Variants in TAFA2 observed in about 807,000 individuals in gnomAD.
TAFA2 encodes chemokine-like protein TAFA-2.
TAFA2 carries 7 observed loss-of-function variants against 18.8 expected under a neutral mutation model. That is an observed-to-expected ratio of 0.37 (90% CI 0.21 to 0.70). The LOEUF is 0.70. Ranked by LOEUF, TAFA2 falls within the 30% of genes least tolerant of loss-of-function variation. TAFA2 has a pLI of 0.53. For synonymous variants in TAFA2, 60 were observed against 54.2 expected (o/e 1.11, Z -0.47); for missense variants, 122 against 158.1 (o/e 0.77, Z 1.23).
chr12:62,177,295 A>G (rs1482855372), intron 1 of TAFA2, among the ~76,000 whole-genome samples: 1 of 152,244 alleles, frequency 6.6e-6, no homozygotes, highest in Non-Finnish European at 1.5e-5. Flanking sequence ...TCTTCCTGCC[A>G]CCACCAACTT....
intron 1 of TAFA2, among the ~76,000 whole-genome samples, chr12:61,980,121 A>G (rs950344988): frequency 6.6e-6 from 1 of 152,130 alleles, no homozygotes; most frequent in African/African-American, 2.4e-5. Flanking sequence ...ATAGAAATGT[A>G]TCCCTGGCCA....
intron 1 of TAFA2, among the ~76,000 whole-genome samples, chr12:62,222,064 A>G (rs2062765314): frequency 6.6e-6 from 1 of 152,200 alleles, no homozygotes; most frequent in Non-Finnish European, 1.5e-5. Context: ...TAAGATTAAA[A>G]CAAGCAATGT....
chr12:62,117,491 G>A (rs1021214232), intron 1 of TAFA2, among the ~76,000 whole-genome samples: 2 of 152,102 alleles, frequency 1.3e-5, no homozygotes, highest in Non-Finnish European at 2.9e-5. Context: ...ACAGTATTCA[G>A]CCTGGGACCC....
At chr12:61,715,604 G>A (rs1259769004) in intron 4 of TAFA2, among the ~76,000 whole-genome samples, 8 of 151,594 alleles carry the variant, frequency 5.3e-5, no homozygotes, top group Non-Finnish European at 1.2e-4. Context: ...CGCCCACCTC[G>A]GCTTCCCAAA....
intron 2 of TAFA2, among the ~76,000 whole-genome samples, chr12:61,782,192 A>T (rs1870534270): frequency 6.6e-6 from 1 of 151,680 alleles, no homozygotes; most frequent in Non-Finnish European, 1.5e-5. Context: ...AACCTCAAAA[A>T]TGAGTTCAGG....
intron 2 of TAFA2, among the ~76,000 whole-genome samples, chr12:61,864,330 T>C (rs1326434142): frequency 6.7e-6 from 1 of 149,902 alleles, no homozygotes; most frequent in Non-Finnish European, 1.5e-5. Context: ...CAGATAGAAA[T>C]ATATAGAAAT....
intron 1 of TAFA2, among the ~76,000 whole-genome samples, chr12:62,025,276 C>T (rs1045187742): frequency 1.3e-5 from 2 of 152,006 alleles, no homozygotes; most frequent in Admixed American, 1.3e-4. Flanking sequence ...GAGAGGGAAA[C>T]AAGGGCTGAA....
At chr12:62,092,505 T>C (rs1436104381) in intron 1 of TAFA2, among the ~76,000 whole-genome samples, 2 of 151,968 alleles carry the variant, frequency 1.3e-5, no homozygotes, top group East Asian at 1.9e-4. Flanking sequence ...TCATATTCCT[T>C]GACATGAATA....
intron 1 of TAFA2, among the ~76,000 whole-genome samples, chr12:61,955,480 T>C (rs1878620490): frequency 6.7e-6 from 1 of 149,644 alleles, no homozygotes; most frequent in Non-Finnish European, 1.5e-5. Context: ...CGTGCACCTG[T>C]AGACCCAGCT....
intron 2 of TAFA2, among the ~76,000 whole-genome samples, chr12:61,788,422 T>C (rs968466605): frequency 4.0e-5 from 6 of 151,790 alleles, no homozygotes; most frequent in Admixed American, 2.6e-4. Flanking sequence ...CAACTGTAAA[T>C]GGTACATTCT....
intron 1 of TAFA2, among the ~76,000 whole-genome samples, chr12:61,886,999 A>G (rs1226869597): frequency 1.3e-5 from 2 of 152,224 alleles, no homozygotes; most frequent in East Asian, 3.8e-4. Context: ...TGCTTTCTCA[A>G]AAGGCTTTGA....
chr12:61,754,002 A>C (rs2120758018), intron 3 of TAFA2, among the ~76,000 whole-genome samples: 1 of 152,222 alleles, frequency 6.6e-6, no homozygotes, highest in South Asian at 2.1e-4. Context: ...TAAAATTGTA[A>C]GTGTAGAATG....
intron 2 of TAFA2, among the ~76,000 whole-genome samples, chr12:61,836,732 G>GATATAT (rs3034054): frequency 0.012 from 1,327 of 112,746 alleles, 27 homozygotes; most frequent in African/African-American, 0.021. Flanking sequence ...TTGCCAATTT[G>GATATAT]ATATATATAT....
intron 1 of TAFA2, among the ~76,000 whole-genome samples, chr12:62,030,638 G>A (rs1881432757): frequency 6.6e-6 from 1 of 152,198 alleles, no homozygotes; most frequent in Admixed American, 6.5e-5. Flanking sequence ...GGGAGAGCCA[G>A]TTGTCAGAGC....
intron 1 of TAFA2, among the ~76,000 whole-genome samples, chr12:62,168,111 T>A (rs2062452457): frequency 1.3e-5 from 2 of 152,190 alleles, no homozygotes; most frequent in South Asian, 4.1e-4. Flanking sequence ...GTGTCTAGCC[T>A]GCCTTTCCTG....
intron 1 of TAFA2, among the ~76,000 whole-genome samples, chr12:62,198,762 T>C (rs1460688048): frequency 6.6e-6 from 1 of 152,258 alleles, no homozygotes; most frequent in East Asian, 1.9e-4. Flanking sequence ...CAAGGTTACA[T>C]GCATGTTATT....
chr12:61,918,671 TA>T (rs1207077089), intron 1 of TAFA2, among the ~76,000 whole-genome samples: 1 of 152,234 alleles, frequency 6.6e-6, no homozygotes, highest in African/African-American at 2.4e-5. Flanking sequence ...GGTATATACC[TA>T]GGAATGGGAT....
At chr12:61,891,468 G>A (rs1354962361) in intron 1 of TAFA2, among the ~76,000 whole-genome samples, 1 of 152,154 alleles carries the variant, frequency 6.6e-6, no homozygotes, top group Non-Finnish European at 1.5e-5. Flanking sequence ...CCAACATGGA[G>A]CAACCTTGCC....
At chr12:61,844,914 G>A (rs1039383704) in intron 2 of TAFA2, among the ~76,000 whole-genome samples, 6 of 151,986 alleles carry the variant, frequency 3.9e-5, no homozygotes, top group Admixed American at 2.0e-4. Context: ...ATATATATAT[G>A]TGAATATAAT....
Sources: allele counts gnomAD v4.1 joint callset (sites outside exome capture counted in the v4.1 genomes callset), GRCh38; gene constraint gnomAD v4.1.1; transcripts MANE v1.5; gene names NCBI Gene and HGNC (gene_info 2026-07-23, HGNC 2026-07-21).